PRP4K: variants seen among roughly 807,000 people sequenced by gnomAD.
The protein encoded by PRP4K is pre-mRNA processing factor kinase PRP4K, also known as serine/threonine-protein kinase PRP4 homolog.
At chr6:4,056,824 C>T in the PRP4K span, 1 of 1,167,600 alleles carries the variant, frequency 8.6e-7, no homozygotes, top group South Asian at 1.6e-5. Context: ...CCTTTAAGTT[C>T]CTCCCCTACA....
chr6:4,052,349 C>T, the PRP4K span, among the ~76,000 whole-genome samples: 7 of 152,126 alleles, frequency 4.6e-5, no homozygotes, highest in East Asian at 1.9e-4. Flanking sequence ...ACCTCCACCT[C>T]CCGGGTTCAA....
chr6:4,049,081 C>T, the PRP4K span: 2 of 1,612,422 alleles, frequency 1.2e-6, no homozygotes, highest in South Asian at 2.2e-5. Context: ...TCAGAGATAA[C>T]TGGACCGATG....
chr6:4,037,813 T>C, the PRP4K span, among the ~76,000 whole-genome samples: 3 of 152,076 alleles, frequency 2.0e-5, no homozygotes, highest in African/African-American at 7.2e-5. Flanking sequence ...ATAGGACTTT[T>C]TTCTCTCTTT....
chr6:4,026,607 G>A, the PRP4K span, among the ~76,000 whole-genome samples: 1 of 152,066 alleles, frequency 6.6e-6, no homozygotes, highest in Non-Finnish European at 1.5e-5. Context: ...CCGGCCTTAT[G>A]TTATTCTATA....
chr6:4,043,244 G>A, the PRP4K span, among the ~76,000 whole-genome samples: 1 of 152,322 alleles, frequency 6.6e-6, no homozygotes, highest in East Asian at 1.9e-4. Flanking sequence ...CAGAAAGGAA[G>A]TAGGGCAAAA....
the PRP4K span, among the ~76,000 whole-genome samples, chr6:4,035,686 G>A: frequency 6.6e-6 from 1 of 152,166 alleles, no homozygotes; most frequent in Admixed American, 6.5e-5. Flanking sequence ...AAATGAGGAA[G>A]GCAAGTTGCA....
At chr6:4,055,225 AT>A in the PRP4K span, among the ~76,000 whole-genome samples, 2 of 152,196 alleles carry the variant, frequency 1.3e-5, no homozygotes, top group African/African-American at 4.8e-5. Context: ...CCACTGATGG[AT>A]TCTAATTTTA....
the PRP4K span, among the ~76,000 whole-genome samples, chr6:4,027,464 C>G: frequency 6.6e-6 from 1 of 152,094 alleles, no homozygotes; most frequent in Non-Finnish European, 1.5e-5. Flanking sequence ...TAGTTTGACT[C>G]CAGAATCTAT....
chr6:4,024,827 T>A, the PRP4K span, among the ~76,000 whole-genome samples: 6 of 152,180 alleles, frequency 3.9e-5, no homozygotes, highest in Non-Finnish European at 8.8e-5. Context: ...GGTCTCAAAC[T>A]CCTGACCTCA....
At chr6:4,060,349 C>G in the PRP4K span, 3 of 1,424,412 alleles carry the variant, frequency 2.1e-6, no homozygotes, top group Non-Finnish European at 2.9e-6. This position sits in a 1 kb window ranked among gnomAD's most constrained non-coding sequence, Gnocchi z 4.7. Context: ...CCAAAACAAT[C>G]TGATTTAAGT....
the PRP4K span, chr6:4,049,423 A>C: frequency 2.2e-6 from 1 of 455,732 alleles, no homozygotes. Flanking sequence ...GAAAAACGAC[A>C]AACAGGAAAC....
At chr6:4,057,613 A>G in the PRP4K span, among the ~76,000 whole-genome samples, 519 of 152,298 alleles carry the variant, frequency 3.4e-3, 3 homozygotes, top group Middle Eastern at 0.014. Flanking sequence ...TTGAGAAAGT[A>G]AGGTACCTTT....
the PRP4K span, chr6:4,044,076 C>T: frequency 6.5e-7 from 1 of 1,532,314 alleles, no homozygotes; most frequent in Non-Finnish European, 9.0e-7. Flanking sequence ...AGCTCTGTAA[C>T]TTTATAATAA....
the PRP4K span, among the ~76,000 whole-genome samples, chr6:4,030,425 A>T: frequency 2.0e-5 from 3 of 152,232 alleles, no homozygotes; most frequent in East Asian, 5.8e-4. Flanking sequence ...CTCCAAAAAT[A>T]GTATGATGGC....
the PRP4K span, chr6:4,040,697 C>T: frequency 3.5e-6 from 5 of 1,426,236 alleles, no homozygotes; most frequent in South Asian, 1.3e-5. Flanking sequence ...TATATATCCC[C>T]TGTGCCCACA....
the PRP4K span, chr6:4,059,030 C>A: frequency 2.2e-6 from 1 of 464,722 alleles, no homozygotes; most frequent in Non-Finnish European, 3.8e-6. Context: ...TATTATAGGT[C>A]ATATTTAGGC....
At chr6:4,047,321 AAAG>A in the PRP4K span, 1 of 1,146,176 alleles carries the variant, frequency 8.7e-7, no homozygotes, top group Non-Finnish European at 1.3e-6. Flanking sequence ...ACATATAGAG[AAAG>A]AAGAATAAAG....
At chr6:4,042,604 G>A in the PRP4K span, 2 of 1,539,328 alleles carry the variant, frequency 1.3e-6, no homozygotes, top group African/African-American at 1.4e-5. Flanking sequence ...CATTATTGTA[G>A]TAAAAGATTT....
chr6:4,044,034 T>G, the PRP4K span: 5 of 1,608,308 alleles, frequency 3.1e-6, no homozygotes, highest in Non-Finnish European at 4.3e-6. Context: ...GTGAGAGAGT[T>G]TTGTCCTGGC....
Sources: gnomAD v4.1 joint callset for allele counts (sites outside exome capture counted in the v4.1 genomes callset) on GRCh38, gnomAD v4.1.1 for gene constraint, Gnocchi (gnomAD v3.1) non-coding constraint, MANE v1.5 for transcripts, NCBI Gene and HGNC (gene_info 2026-07-23, HGNC 2026-07-21) for gene names.